NBEA: variants seen among roughly 807,000 people sequenced by gnomAD.
The protein encoded by NBEA is neurobeachin, also known as lysosomal-trafficking regulator 2.
Under a neutral mutation model 343.4 loss-of-function variants are expected in NBEA, and 44 were observed. The observed-to-expected ratio is 0.13, with a 90% CI of 0.10 to 0.16. The LOEUF (loss-of-function observed/expected upper bound fraction) is 0.16, where lower values mean the gene tolerates loss of function less well. NBEA is among the 10% of genes least tolerant of loss of function. The pLI, the probability that NBEA is intolerant of heterozygous loss-of-function variation, is 1.00. For synonymous variants in NBEA, 1,175 were observed against 1,238.7 expected (o/e 0.95, Z 1.08); for missense variants, 2,555 against 3,631.3 (o/e 0.70, Z 7.62).
At chr13:35,219,331 T>A (rs1162911173) in intron 33 of NBEA, among the ~76,000 whole-genome samples, 1 of 152,132 alleles carries the variant, frequency 6.6e-6, no homozygotes, top group African/African-American at 2.4e-5. Flanking sequence ...TTGAAAGTTG[T>A]ACATTGTTTG....
At chr13:34,959,348 A>G (rs2059589557) in intron 1 of NBEA, among the ~76,000 whole-genome samples, 1 of 152,086 alleles carries the variant, frequency 6.6e-6, no homozygotes, top group Non-Finnish European at 1.5e-5. Flanking sequence ...CACCTGGCAG[A>G]CAGGAAGCTC....
At chr13:35,064,269 G>A (rs568883361) in intron 8 of NBEA, among the ~76,000 whole-genome samples, 101 of 152,038 alleles carry the variant, frequency 6.6e-4, no homozygotes, top group African/African-American at 2.3e-3. Context: ...TTTGTAAGTT[G>A]AGGAGATGCA....
At position 35,313,745 on chromosome 13, in the gene NBEA, G is replaced by A. The variant is rs75418578; in HGVS notation, c.5903+4153G>A. On this transcript the variant is annotated intron_variant, in intron 36 of 58. Coordinates refer to ENST00000379939, the MANE Select transcript of NBEA (RefSeq NM_001385012.1). ...CAACTAGAGGATGCTATGGGAGCAG[G>A]CAACTGAGAGAGGTATTTTTTGAAA... Among the ~76,000 whole-genome samples the A allele has an allele frequency of 9.9e-3, 1,502 of 152,246 alleles. 27 individuals carry two copies. Among genetic ancestry groups the A allele is most frequent in the African/African-American group, 0.034 (1,428 of 41,548 alleles).
At chr13:35,581,901 AAAAG>A (rs1325254137) in intron 45 of NBEA, among the ~76,000 whole-genome samples, 36 of 103,210 alleles carry the variant, frequency 3.5e-4, no homozygotes, top group Middle Eastern at 7.1e-3. Flanking sequence ...AAAAAAAAAG[AAAAG>A]AAAAAAAAAG....
rs565133416 is a variant in NBEA at position 35,094,272 on chromosome 13, G to T, written c.1572-4025G>T. On this transcript the variant is annotated intron_variant, in intron 10 of 58. Coordinates refer to ENST00000379939, the MANE Select transcript of NBEA (RefSeq NM_001385012.1). ...ATAAGGCTGCCTTGCCTTTTTATCA[G>T]GATGAAGAAAAAGGTAGAAATTACT... 9.9e-5 allele frequency among the ~76,000 whole-genome samples: 15 copies of T among 152,082 alleles called. No individual in the cohort carries two copies. The South Asian group carries it at 2.9e-3, about 29-fold the overall frequency.
At chr13:34,968,050 G>T (rs1203862098) in intron 1 of NBEA, among the ~76,000 whole-genome samples, 1 of 152,032 alleles carries the variant, frequency 6.6e-6, no homozygotes, top group Admixed American at 6.6e-5. Context: ...GTAATCACTA[G>T]AATGACTCAG....
At chr13:35,634,932 T>C (rs2153069490) in intron 49 of NBEA, among the ~76,000 whole-genome samples, 1 of 152,212 alleles carries the variant, frequency 6.6e-6, no homozygotes, top group African/African-American at 2.4e-5. Context: ...CTTTATTTTC[T>C]TGCTGAAATA....
At chr13:35,355,516 T>C (rs1055649018) in intron 38 of NBEA, among the ~76,000 whole-genome samples, 4 of 152,146 alleles carry the variant, frequency 2.6e-5, no homozygotes, top group Non-Finnish European at 5.9e-5. Context: ...GTGGCTACCA[T>C]AGTAGTTATC....
intron 18 of NBEA, among the ~76,000 whole-genome samples, chr13:35,145,374 T>G (rs576621884): frequency 6.6e-6 from 1 of 152,310 alleles, no homozygotes; most frequent in African/African-American, 2.4e-5. Flanking sequence ...GTACCCCAGA[T>G]ATTTTACTTC....
chr13:35,561,286 A>T (rs922386115), intron 44 of NBEA, among the ~76,000 whole-genome samples: 17 of 152,146 alleles, frequency 1.1e-4, no homozygotes, highest in African/African-American at 4.1e-4. Context: ...GTGATCTATT[A>T]TGTAAATTCA....
intron 34 of NBEA, among the ~76,000 whole-genome samples, chr13:35,235,948 G>T (rs1418134053): frequency 1.3e-5 from 2 of 152,046 alleles, no homozygotes; most frequent in South Asian, 2.1e-4. Flanking sequence ...AGTTCATTTT[G>T]TGTTCCCCTG....
rs1046041909 is a variant in NBEA at position 35,159,756 on chromosome 13, C to T, written c.3585C>T (p.Asp1195=). ...GLLAHMTGSV[D]LTCTSSIIEE... is the part of the protein sequence containing the mutation. ...TTGCTCACATGACCGGTAGCGTAGA[C>T]TTAACTTGTACATCCAGTATAATAG... The change falls in exon 22 of 59, where the codon GAC becomes GAT. Residue 1195 remains aspartate, a synonymous_variant. Transcript: ENST00000379939. The T allele has an allele frequency of 2.5e-6, 4 of 1,613,232 alleles. No individual in the cohort carries two copies. In the African/African-American group the frequency reaches 4.0e-5, roughly 16 times the overall value.
At chr13:35,669,506 G>A (rs1239800727) in intron 58 of NBEA, among the ~76,000 whole-genome samples, 4 of 152,186 alleles carry the variant, frequency 2.6e-5, no homozygotes, top group African/African-American at 9.7e-5. Context: ...GTCTGGGAAA[G>A]GATGTTTGGT....
At chr13:35,397,959 A>G (rs912935053) in intron 38 of NBEA, among the ~76,000 whole-genome samples, 2 of 152,130 alleles carry the variant, frequency 1.3e-5, no homozygotes, top group South Asian at 2.1e-4. Flanking sequence ...TTCCCTTCAC[A>G]AAAGATTACT....
chr13:35,022,633 C>T (rs1566175337), intron 1 of NBEA, among the ~76,000 whole-genome samples: 2 of 151,846 alleles, frequency 1.3e-5, no homozygotes, highest in African/African-American at 4.8e-5. Context: ...AGGTTAAATG[C>T]TTGGTGGAGA....
Position 35,599,788 on chromosome 13 carries a change from A to T in NBEA, c.7296+6341A>T, listed in dbSNP as rs182098339. On this transcript the variant is annotated intron_variant, in intron 47 of 58. Transcript: ENST00000379939. ...GATGGGAGGACTGTTATAGCCATCTATGAGAAAACTCTGTGAGTTACCAAT... is the reference window on the plus strand; with the variant it reads ...GATGGGAGGACTGTTATAGCCATCTTTGAGAAAACTCTGTGAGTTACCAAT... 1.7e-3 allele frequency among the ~76,000 whole-genome samples: 259 copies of T among 152,350 alleles called. 1 individual carries two copies. Among genetic ancestry groups the T allele is most frequent in the Middle Eastern group, 6.8e-3 (2 of 294 alleles).
chr13:35,289,887 A>T (rs1488100275), intron 34 of NBEA, among the ~76,000 whole-genome samples: 3 of 151,800 alleles, frequency 2.0e-5, no homozygotes, highest in African/African-American at 7.2e-5. Flanking sequence ...TATTATTTTT[A>T]AAATTATTTA....
intron 41 of NBEA, chr13:35,475,977 G>A: frequency 6.2e-7 from 1 of 1,614,196 alleles, no homozygotes; most frequent in Non-Finnish European, 8.5e-7. Context: ...CGTTGAGAGA[G>A]CTGATGAACC....
At chr13:35,301,875 A>G (rs2036574524) in intron 35 of NBEA, among the ~76,000 whole-genome samples, 1 of 152,150 alleles carries the variant, frequency 6.6e-6, no homozygotes, top group African/African-American at 2.4e-5. Flanking sequence ...AATGATCGCC[A>G]TTCTAACTGG....
Sources: gnomAD v4.1 joint callset for allele counts (sites outside exome capture counted in the v4.1 genomes callset) on GRCh38, gnomAD v4.1.1 for gene constraint, MANE v1.5 for transcripts, NCBI Gene and HGNC (gene_info 2026-07-23, HGNC 2026-07-21) for gene names.